The following UMAD1 variants were observed in gnomAD, a reference collection of about 807,000 sequenced individuals.
UMAD1 encodes the protein UBAP1-MVB12-associated (UMA) domain containing 1.
A neutral mutation model predicts 6.1 loss-of-function variants in UMAD1; 8 were observed. The observed-to-expected ratio is 1.30, with a 90% confidence interval of 0.76 to 2.35. The LOEUF is 2.35. Among genes scored for constraint, UMAD1 ranks in the 30% most tolerant of loss-of-function variants. UMAD1 has a pLI of 0.00. For synonymous variants in UMAD1, 56 were observed against 31.4 expected, an observed-to-expected ratio of 1.78 and a Z score of -2.61; for missense variants, 130 against 78.4, an observed-to-expected ratio of 1.66 and a Z score of -2.49.
At chr7:7,747,976 G>T (rs1015547094) in intron 2 of UMAD1, among the ~76,000 whole-genome samples, 1 of 152,064 alleles carries the variant, frequency 6.6e-6, no homozygotes, top group Non-Finnish European at 1.5e-5. Context: ...TATGTTTCTT[G>T]TTTTGTTTTG....
At chr7:7,652,232 C>G (rs1785239214) in intron 1 of UMAD1, among the ~76,000 whole-genome samples, 1 of 152,172 alleles carries the variant, frequency 6.6e-6, no homozygotes. Flanking sequence ...GCCATTTATT[C>G]ATTCCTTTGA....
intron 1 of UMAD1, among the ~76,000 whole-genome samples, chr7:7,664,688 C>T (rs980544830): frequency 6.6e-6 from 1 of 152,166 alleles, no homozygotes; most frequent in Non-Finnish European, 1.5e-5. Context: ...ACCTAGTCTG[C>T]GCAGCCTACC....
intron 2 of UMAD1, among the ~76,000 whole-genome samples, chr7:7,772,688 A>T (rs1227896685): frequency 6.6e-6 from 1 of 152,200 alleles, no homozygotes; most frequent in Non-Finnish European, 1.5e-5. Flanking sequence ...TCACAGATGA[A>T]TGGAGTAGAG....
intron 3 of UMAD1, among the ~76,000 whole-genome samples, chr7:7,838,500 T>C (rs886464114): frequency 2.6e-5 from 4 of 152,180 alleles, no homozygotes; most frequent in Non-Finnish European, 4.4e-5. Context: ...ATCAACATTA[T>C]CCAGTCAACT....
chr7:7,747,452 A>G (rs1781593596), intron 2 of UMAD1, among the ~76,000 whole-genome samples: 1 of 152,214 alleles, frequency 6.6e-6, no homozygotes, highest in African/African-American at 2.4e-5. Context: ...CCAAGACTCA[A>G]AGATATGCAG....
chr7:7,646,420 T>TTAC (rs1785094265), intron 1 of UMAD1, among the ~76,000 whole-genome samples: 1 of 151,004 alleles, frequency 6.6e-6, no homozygotes, highest in Admixed American at 6.6e-5. Flanking sequence ...ACTGTTCTCG[T>TTAC]GGTAGTGAAT....
chr7:7,749,871 A>G (rs1256348493), intron 2 of UMAD1, among the ~76,000 whole-genome samples: 2 of 152,190 alleles, frequency 1.3e-5, no homozygotes, highest in Non-Finnish European at 2.9e-5. Context: ...GTAAGTAACT[A>G]CTAATGAAAG....
chr7:7,875,675 T>C (rs1326949311), intron 3 of UMAD1, among the ~76,000 whole-genome samples: 1 of 152,080 alleles, frequency 6.6e-6, no homozygotes, highest in Admixed American at 6.6e-5. Context: ...CAATAACAAG[T>C]TGTGAAATTG....
chr7:7,673,302 A>C lies in UMAD1; in HGVS notation c.-63-7A>C. 1 of 1,224,350 alleles carries C rather than the reference A, an allele frequency of 8.2e-7. No homozygotes were observed. Among genetic ancestry groups the C allele is most frequent in the Non-Finnish European group, 1.2e-6 (1 of 864,344 alleles). 75.8% of individuals were successfully genotyped at this position (1,224,350 alleles called of 1,614,324 possible). A position where few individuals can be genotyped will look rare whatever the true frequency, so the allele number is the denominator to read the frequency against. On this transcript the variant is annotated splice_region_variant and splice_polypyrimidine_tract_variant and intron_variant, in intron 1 of 3. Transcript: ENST00000682710. Reference sequence around the variant, plus strand: ...GAATTTGACATTGTGTAATGTTTCTATTTCAGGTAGCAGCAGCAGCAGCAG... The same window carrying C: ...GAATTTGACATTGTGTAATGTTTCTCTTTCAGGTAGCAGCAGCAGCAGCAG...
chr7:7,645,392 A>G lies in UMAD1; in HGVS notation c.-64+4571A>G, dbSNP rs1785070567. ...AGTACTTATGTGGTAGTGCACTAAGACTCAGGGCCCCAGGTTCTTTCTGTC... is the reference window on the plus strand; with the variant it reads ...AGTACTTATGTGGTAGTGCACTAAGGCTCAGGGCCCCAGGTTCTTTCTGTC... On this transcript the variant is annotated intron_variant, in intron 1 of 3. Coordinates refer to ENST00000682710, the MANE Select transcript of UMAD1 (RefSeq NM_001302348.2). Among the ~76,000 whole-genome samples, 4 of 152,154 alleles carry G rather than the reference A, an allele frequency of 2.6e-5. No homozygotes were observed. The South Asian group carries it at 8.3e-4, about 32-fold the overall frequency.
chr7:7,703,557 T>G (rs1006299661), intron 2 of UMAD1, among the ~76,000 whole-genome samples: 1 of 152,218 alleles, frequency 6.6e-6, no homozygotes, highest in African/African-American at 2.4e-5. Flanking sequence ...GACTCAGGTT[T>G]CAGACAAGCT....
chr7:7,734,270 A>C (rs1458253343), intron 2 of UMAD1, among the ~76,000 whole-genome samples: 1 of 151,958 alleles, frequency 6.6e-6, no homozygotes, highest in African/African-American at 2.4e-5. Flanking sequence ...GTCAAATTAG[A>C]CTGTTATATT....
chr7:7,850,120 T>C (rs1783883043), intron 3 of UMAD1, among the ~76,000 whole-genome samples: 1 of 152,196 alleles, frequency 6.6e-6, no homozygotes, highest in Non-Finnish European at 1.5e-5. Flanking sequence ...CAATTTTGTA[T>C]ATAAATCCTA....
chr7:7,673,509 T>G (rs1419347032), intron 2 of UMAD1, 56 bp downstream of exon 2: 2 of 674,458 alleles, frequency 3.0e-6, no homozygotes, highest in Non-Finnish European at 5.3e-6. Context: ...TTTAAAAAAT[T>G]ACTTGAAAAT....
intron 1 of UMAD1, among the ~76,000 whole-genome samples, chr7:7,667,497 TATG>T (rs1462540097): frequency 1.3e-5 from 2 of 152,166 alleles, no homozygotes; most frequent in African/African-American, 4.8e-5. Context: ...GCCTCAGAAA[TATG>T]ATGGGCAGAG....
chr7:7,731,858 T>C (rs1781265993), intron 2 of UMAD1, among the ~76,000 whole-genome samples: 2 of 152,142 alleles, frequency 1.3e-5, no homozygotes, highest in South Asian at 4.1e-4. Flanking sequence ...GCTTGGACTG[T>C]GGACACAGAC....
At chr7:7,703,429 C>CT (rs1443011800) in intron 2 of UMAD1, among the ~76,000 whole-genome samples, 3 of 152,082 alleles carry the variant, frequency 2.0e-5, no homozygotes, top group African/African-American at 7.2e-5. Flanking sequence ...TGTGAGTGCT[C>CT]TAATTTCTTA....
chr7:7,647,023 T>A (rs1785112708), intron 1 of UMAD1, among the ~76,000 whole-genome samples: 1 of 152,162 alleles, frequency 6.6e-6, no homozygotes, highest in Admixed American at 6.5e-5. Context: ...GTTACACTAG[T>A]TTTGTGAAAT....
Position 7,745,192 on chromosome 7 carries a change from G to A in UMAD1, c.83-56478G>A, listed in dbSNP as rs76726166. On this transcript the variant is annotated intron_variant, in intron 2 of 3. Transcript: ENST00000682710. Reference sequence around the variant, plus strand: ...AAAGGTCTTCATTCTTGTTGTCTTCGCTGTGAGTAGGGTGAAGAGGAGGAG... The same window carrying A: ...AAAGGTCTTCATTCTTGTTGTCTTCACTGTGAGTAGGGTGAAGAGGAGGAG... Among the ~76,000 whole-genome samples the A allele has an allele frequency of 6.7e-3, 1,019 of 152,206 alleles. 12 individuals carry two copies. The highest frequency in any genetic ancestry group is 0.024 in the African/African-American group (977 of 41,522).
Sources: gnomAD v4.1 joint callset for allele counts (sites outside exome capture counted in the v4.1 genomes callset) on GRCh38, gnomAD v4.1.1 for gene constraint, MANE v1.5 for transcripts, NCBI Gene and HGNC (gene_info 2026-07-23, HGNC 2026-07-21) for gene names.